The following BBS9 variants were observed in gnomAD, a reference collection of about 807,000 sequenced individuals.
BBS9 encodes protein PTHB1.
A neutral mutation model predicts 117.7 loss-of-function variants in BBS9; 89 were observed. That is an observed-to-expected ratio of 0.76 (90% CI 0.64 to 0.90). The LOEUF (loss-of-function observed/expected upper bound fraction) is 0.90, where lower values mean the gene tolerates loss of function less well. Ranked by LOEUF, BBS9 falls within the 40% of genes least tolerant of loss-of-function variation. BBS9 has a pLI of 0.00. For missense variants in BBS9, 982 were observed against 1,042.2 expected (o/e 0.94, Z 0.80); for synonymous variants, 379 against 370.9 (o/e 1.02, Z -0.25).
chr7:33,328,966 T>C, intron 9 of BBS9, among the ~76,000 whole-genome samples: 1 of 151,474 alleles, frequency 6.6e-6, no homozygotes, highest in East Asian at 1.9e-4. Context: ...ACTTTTTTTT[T>C]CTTAAAAAAG....
chr7:33,376,174 C>T (rs1163568364), intron 17 of BBS9, among the ~76,000 whole-genome samples: 1 of 151,994 alleles, frequency 6.6e-6, no homozygotes, highest in African/African-American at 2.4e-5. Flanking sequence ...CTGATTTTCT[C>T]CTTCCTCCCA....
chr7:33,326,442 T>C (rs566651058), intron 9 of BBS9, among the ~76,000 whole-genome samples: 6 of 152,204 alleles, frequency 3.9e-5, no homozygotes, highest in South Asian at 2.1e-4. Context: ...AGGATTAGAA[T>C]TGGGGACCTG....
chr7:33,204,125 C>T (rs1016108115), intron 5 of BBS9, among the ~76,000 whole-genome samples: 6 of 144,786 alleles, frequency 4.1e-5, no homozygotes, highest in Admixed American at 1.4e-4. Flanking sequence ...TATTTTAGGC[C>T]GGGCATGGTG....
intron 11 of BBS9, among the ~76,000 whole-genome samples, chr7:33,344,207 G>C (rs918512377): frequency 6.9e-6 from 1 of 145,816 alleles, no homozygotes; most frequent in African/African-American, 2.5e-5. Flanking sequence ...TCAGCCTCCC[G>C]AGTAGCTGGG....
At chr7:33,236,088 G>A (rs1407322236) in intron 5 of BBS9, among the ~76,000 whole-genome samples, 1 of 152,024 alleles carries the variant, frequency 6.6e-6, no homozygotes, top group African/African-American at 2.4e-5. Flanking sequence ...AGCACTTTGG[G>A]GGGCTGAGGC....
chr7:33,621,040 GC>G (rs966415777), intron 21 of BBS9, among the ~76,000 whole-genome samples: 1 of 152,072 alleles, frequency 6.6e-6, no homozygotes, highest in African/African-American at 2.4e-5. Context: ...ATGAAAAATT[GC>G]CCCTTATCTC....
chr7:33,173,527 G>C (rs2128153247), intron 4 of BBS9, among the ~76,000 whole-genome samples: 1 of 150,844 alleles, frequency 6.6e-6, no homozygotes, highest in African/African-American at 2.4e-5. Context: ...AGCTGAGATT[G>C]CGCCACTGCA....
At position 33,387,917 on chromosome 7, in the gene BBS9, T is replaced by C. The variant is rs530782956; in HGVS notation, c.1963-75T>C. On this transcript the variant is annotated intron_variant, in intron 18 of 22. Coordinates refer to ENST00000242067, the MANE Select transcript of BBS9 (RefSeq NM_198428.3). ...CTTCATTACTCTTTTACTTTTATTATCATTGTGTGTATTTTTTCTTTAAAG... is the reference window on the plus strand; with the variant it reads ...CTTCATTACTCTTTTACTTTTATTACCATTGTGTGTATTTTTTCTTTAAAG... The C allele has an allele frequency of 4.5e-4, 671 of 1,480,894 alleles. 9 individuals carry two copies. In the South Asian group the frequency reaches 6.9e-3, roughly 15 times the overall value. 91.7% of individuals were successfully genotyped at this position (1,480,894 alleles called of 1,614,324 possible).
chr7:33,520,887 C>G (rs1250600511), intron 20 of BBS9, among the ~76,000 whole-genome samples: 1 of 152,136 alleles, frequency 6.6e-6, no homozygotes, highest in African/African-American at 2.4e-5. Context: ...TTTATATGTT[C>G]TTTTCCAGTT....
At chr7:33,429,078 C>G (rs1834052112) in intron 19 of BBS9, among the ~76,000 whole-genome samples, 1 of 152,136 alleles carries the variant, frequency 6.6e-6, no homozygotes, top group African/African-American at 2.4e-5. Context: ...TTTAGTCCAG[C>G]ATTTCCCAAA....
intron 19 of BBS9, among the ~76,000 whole-genome samples, chr7:33,480,339 G>T (rs2128973050): frequency 6.6e-6 from 1 of 152,304 alleles, no homozygotes; most frequent in East Asian, 1.9e-4. Flanking sequence ...ACAGAAGAAG[G>T]ATAAAGAGGG....
At chr7:33,595,441 A>G (rs900044798) in intron 21 of BBS9, among the ~76,000 whole-genome samples, 1 of 152,178 alleles carries the variant, frequency 6.6e-6, no homozygotes, top group African/African-American at 2.4e-5. Flanking sequence ...AAAAAGCTCA[A>G]CATCACTGAT....
chr7:33,152,919 G>A (rs898791327), intron 3 of BBS9, 68 bp downstream of exon 3: 67 of 1,522,952 alleles, frequency 4.4e-5, no homozygotes, highest in Middle Eastern at 1.8e-4. Flanking sequence ...TCACTTTTGT[G>A]TATTCTTCAA....
Position 33,498,987 on chromosome 7 carries a change from C to T in BBS9, c.2116-6476C>T, listed in dbSNP as rs141642200. Among the ~76,000 whole-genome samples the T allele has an allele frequency of 3.3e-4, 51 of 152,274 alleles. No homozygotes were observed. The East Asian group carries it at 9.4e-3, about 28-fold the overall frequency. On this transcript the variant is annotated intron_variant, in intron 19 of 22. Coordinates refer to ENST00000242067, the MANE Select transcript of BBS9 (RefSeq NM_198428.3). ...GTATTACATTTCCATCAGCAATGTA[C>T]GTGGGTTCCAATTTCTCCACATCCT...
chr7:33,480,242 A>G (rs1046174043), intron 19 of BBS9, among the ~76,000 whole-genome samples: 1 of 152,192 alleles, frequency 6.6e-6, no homozygotes, highest in Non-Finnish European at 1.5e-5. Flanking sequence ...TGATAGTCAA[A>G]TTCTTATTTC....
At chr7:33,231,605 T>C (rs1583768910) in intron 5 of BBS9, among the ~76,000 whole-genome samples, 1 of 152,046 alleles carries the variant, frequency 6.6e-6, no homozygotes, top group East Asian at 1.9e-4. Context: ...ATTTTTTTCC[T>C]ATTTCTGTGA....
intron 15 of BBS9, among the ~76,000 whole-genome samples, chr7:33,354,692 A>G (rs1417302004): frequency 6.6e-6 from 1 of 151,878 alleles, no homozygotes; most frequent in African/African-American, 2.4e-5. Context: ...TCTTTAAAGC[A>G]CATTTTGGCT....
In BBS9 at chr7:33,587,358, T is replaced by A. The variant is rs575616500; in HGVS notation, c.2522-17507T>A. Among the ~76,000 whole-genome samples the A allele has an allele frequency of 1.1e-3, 160 of 152,258 alleles. 2 individuals carry two copies. The highest frequency in any genetic ancestry group is 3.8e-3 in the African/African-American group (157 of 41,574). ...TGCTTCTTGGAGCTCCTATTCTACA[T>A]CCCCTTTCCTTAACCAGAGAGAGCT... is the stretch of plus-strand genomic sequence containing the variant. On this transcript the variant is annotated intron_variant, in intron 21 of 22. Coordinates refer to ENST00000242067, the MANE Select transcript of BBS9 (RefSeq NM_198428.3).
intron 13 of BBS9, among the ~76,000 whole-genome samples, chr7:33,350,258 T>C (rs1289228864): frequency 1.3e-5 from 2 of 152,144 alleles, no homozygotes; most frequent in Non-Finnish European, 2.9e-5. Flanking sequence ...AACCAACCCA[T>C]AGCTGAGTGC....
Sources: allele counts gnomAD v4.1 joint callset (sites outside exome capture counted in the v4.1 genomes callset), GRCh38; gene constraint gnomAD v4.1.1; transcripts MANE v1.5; gene names NCBI Gene and HGNC (gene_info 2026-07-23, HGNC 2026-07-21).